SNTB1: variants seen among roughly 807,000 people sequenced by gnomAD.
SNTB1 encodes beta-1-syntrophin.
Under a neutral mutation model 48.9 loss-of-function variants are expected in SNTB1, and 36 were observed. The ratio of observed to expected loss-of-function variants is 0.74; its 90% CI spans 0.56 to 0.97. The LOEUF is 0.97. Ranked by LOEUF, SNTB1 falls within the 50% of genes least tolerant of loss-of-function variation. The pLI is 0.00. For missense variants in SNTB1, 786 were observed against 703.4 expected, an observed-to-expected ratio of 1.12 and a Z score of -1.33; for synonymous variants, 299 against 294.6, an observed-to-expected ratio of 1.01 and a Z score of -0.15.
chr8:120,591,188 C>T (rs899706322), intron 3 of SNTB1, among the ~76,000 whole-genome samples: 3 of 152,224 alleles, frequency 2.0e-5, no homozygotes, highest in Non-Finnish European at 4.4e-5. Flanking sequence ...TCAGCAAGTT[C>T]TGAAAATTAG....
chr8:120,593,852 G>A (rs1006809863), intron 3 of SNTB1, among the ~76,000 whole-genome samples: 1 of 152,080 alleles, frequency 6.6e-6, no homozygotes, highest in Non-Finnish European at 1.5e-5. Flanking sequence ...AAATACAAAA[G>A]GTCCTTGTCT....
intron 1 of SNTB1, among the ~76,000 whole-genome samples, chr8:120,737,026 G>A (rs1818957188): frequency 6.6e-6 from 1 of 152,116 alleles, no homozygotes; most frequent in African/African-American, 2.4e-5. Context: ...GTTCATCAAC[G>A]TGATATATTA....
intron 3 of SNTB1, among the ~76,000 whole-genome samples, chr8:120,575,685 C>T (rs1815939496): frequency 6.6e-6 from 1 of 152,042 alleles, no homozygotes; most frequent in African/African-American, 2.4e-5. Context: ...AGTGAGATAT[C>T]ACAGCCTCTT....
chr8:120,716,419 G>C (rs1587110983), intron 1 of SNTB1, among the ~76,000 whole-genome samples: 1 of 152,222 alleles, frequency 6.6e-6, no homozygotes, highest in East Asian at 1.9e-4. Flanking sequence ...AAACAAAACT[G>C]ATTCCTTAGC....
intron 1 of SNTB1, among the ~76,000 whole-genome samples, chr8:120,771,104 A>G (rs539953762): frequency 6.6e-6 from 1 of 152,326 alleles, no homozygotes; most frequent in Middle Eastern, 3.4e-3. Context: ...TTAGAGATGC[A>G]GCAACACTGG....
At chr8:120,655,773 C>G (rs949876371) in intron 2 of SNTB1, among the ~76,000 whole-genome samples, 3 of 152,334 alleles carry the variant, frequency 2.0e-5, no homozygotes, top group African/African-American at 7.2e-5. Context: ...AAGTTCCCAG[C>G]CTTCCTTGTT....
At chr8:120,667,430 G>T (rs930525214) in intron 2 of SNTB1, among the ~76,000 whole-genome samples, 1 of 152,172 alleles carries the variant, frequency 6.6e-6, no homozygotes, top group Non-Finnish European at 1.5e-5. Context: ...GACTCAAACA[G>T]TTTGTTTAGG....
intron 3 of SNTB1, among the ~76,000 whole-genome samples, chr8:120,604,901 G>A (rs896514972): frequency 6.6e-6 from 1 of 152,174 alleles, no homozygotes. Flanking sequence ...AAGATGTGCT[G>A]CTTCTTCAAG....
In SNTB1 at chr8:120,538,611, G is replaced by C. The variant is rs1289979965; in HGVS notation, c.*266C>G. On this transcript the variant is annotated 3_prime_UTR_variant, in exon 7 of 7. Coordinates refer to ENST00000517992, the MANE Select transcript of SNTB1 (RefSeq NM_021021.4). Reference sequence around the variant, plus strand: ...GTTGTCATTATTTCAAAGCTATGCTGTGTATTTCCCGTCACCTCACCTCTT... The same window carrying C: ...GTTGTCATTATTTCAAAGCTATGCTCTGTATTTCCCGTCACCTCACCTCTT... 1.9e-6 allele frequency: 1 copy of C among 536,606 alleles called. No individual in the cohort carries two copies. The highest frequency in any genetic ancestry group is 2.2e-5 in the Admixed American group (1 of 44,896). The allele number at this position is 536,606 out of a possible 1,614,324, so 33.2% of individuals were successfully genotyped here. A position where few individuals can be genotyped will look rare whatever the true frequency, so the allele number is the denominator to read the frequency against.
At chr8:120,747,066 A>G (rs979303811) in intron 1 of SNTB1, among the ~76,000 whole-genome samples, 1 of 147,680 alleles carries the variant, frequency 6.8e-6, no homozygotes, top group African/African-American at 2.6e-5. Context: ...GTGTATTTTT[A>G]AGTAAAAAAG....
At position 120,669,861 on chromosome 8, in the gene SNTB1, G is replaced by A. The variant is rs567025540; in HGVS notation, c.788+23831C>T. Among the ~76,000 whole-genome samples, 9 of 152,354 alleles carry A rather than the reference G, an allele frequency of 5.9e-5. No individual in the cohort carries two copies. In the South Asian group the frequency reaches 1.7e-3, roughly 28 times the overall value. ...CAGCATTTCTTACAAATCCCCAGGT[G>A]ATGTGATGCTGCTGGTGTCCCTGTA... On this transcript the variant is annotated intron_variant, in intron 2 of 6. Transcript: ENST00000517992.
chr8:120,727,009 T>C (rs1198999437), intron 1 of SNTB1, among the ~76,000 whole-genome samples: 1 of 152,192 alleles, frequency 6.6e-6, no homozygotes, highest in African/African-American at 2.4e-5. Context: ...GCAGGAATTA[T>C]AGGAAGCCTG....
At chr8:120,780,113 A>C (rs1356272987) in intron 1 of SNTB1, among the ~76,000 whole-genome samples, 1 of 150,906 alleles carries the variant, frequency 6.6e-6, no homozygotes, top group Non-Finnish European at 1.5e-5. Flanking sequence ...TCCGTGTCAG[A>C]GCAGGAGAAC....
At chr8:120,628,221 CA>C (rs1816916671) in intron 3 of SNTB1, among the ~76,000 whole-genome samples, 1 of 152,120 alleles carries the variant, frequency 6.6e-6, no homozygotes, top group African/African-American at 2.4e-5. Context: ...GAACTGAGCA[CA>C]AAATATAACT....
In SNTB1 at chr8:120,631,463, G is replaced by A. The variant is rs541033083; in HGVS notation, c.996+981C>T. ...TGGTGGAAAACCTGAGTATTATTTCGGGTGCCATTTGACTGGGCCTTCTCA... is the reference window on the plus strand; with the variant it reads ...TGGTGGAAAACCTGAGTATTATTTCAGGTGCCATTTGACTGGGCCTTCTCA... On this transcript the variant is annotated intron_variant, in intron 3 of 6. Transcript: ENST00000517992. Among the ~76,000 whole-genome samples the A allele has an allele frequency of 3.9e-5, 6 of 152,194 alleles. No homozygotes were observed. The South Asian group carries it at 6.2e-4, about 16-fold the overall frequency.
At chr8:120,763,858 T>C (rs1198596811) in intron 1 of SNTB1, among the ~76,000 whole-genome samples, 1 of 152,112 alleles carries the variant, frequency 6.6e-6, no homozygotes, top group Non-Finnish European at 1.5e-5. Flanking sequence ...GGTCTTGTTA[T>C]GTTGTCCAGG....
At chr8:120,607,257 A>G (rs1411335035) in intron 3 of SNTB1, among the ~76,000 whole-genome samples, 1 of 152,244 alleles carries the variant, frequency 6.6e-6, no homozygotes, top group African/African-American at 2.4e-5. Context: ...GAACACAAAG[A>G]GTATCTAAAC....
At position 120,778,148 on chromosome 8, in the gene SNTB1, C is replaced by T. The variant is rs1159169601; in HGVS notation, c.571+33125G>A. Among the ~76,000 whole-genome samples, 10 of 152,188 alleles carry T rather than the reference C, an allele frequency of 6.6e-5. No homozygotes were observed. The East Asian group carries it at 1.9e-3, about 29-fold the overall frequency. On this transcript the variant is annotated intron_variant, in intron 1 of 6. Transcript: ENST00000517992. The stretch of plus-strand genomic sequence containing the variant: ...ACAACCCAGGTGGGTTCCAAGACTC[C>T]TGTTAGCAGGGAAAACACAAAGTCA...
Position 120,552,717 on chromosome 8 carries a change from T to C in SNTB1, c.1137-3759A>G, listed in dbSNP as rs1005322532. On this transcript the variant is annotated intron_variant, in intron 4 of 6. Coordinates refer to ENST00000517992, the MANE Select transcript of SNTB1 (RefSeq NM_021021.4). ...GGTTTCCCCACCTTTTGGGATGAGA[T>C]GGGGAATTGGGGATTGGTGGGAGAT... Among the ~76,000 whole-genome samples the C allele has an allele frequency of 3.3e-5, 5 of 152,240 alleles. No individual in the cohort carries two copies. In the South Asian group the frequency reaches 8.3e-4, roughly 25 times the overall value.
Sources: allele counts gnomAD v4.1 joint callset (sites outside exome capture counted in the v4.1 genomes callset), GRCh38; gene constraint gnomAD v4.1.1; transcripts MANE v1.5; gene names NCBI Gene and HGNC (gene_info 2026-07-23, HGNC 2026-07-21).